The following CES3 variants were observed in gnomAD, a reference collection of about 807,000 sequenced individuals.
The protein encoded by CES3 is carboxylesterase 3 (brain).
In CES3, 49 loss-of-function variants were observed where a neutral mutation model predicts 57.6. That is an observed-to-expected ratio of 0.85 (90% CI 0.68 to 1.08). CES3 has a LOEUF of 1.08. Ranked by LOEUF, CES3 falls within the 50% of genes least tolerant of loss-of-function variation. The pLI is 0.00. For missense variants in CES3, 645 were observed against 742.0 expected, an observed-to-expected ratio of 0.87 and a Z score of 1.52; for synonymous variants, 266 against 281.6, an observed-to-expected ratio of 0.94 and a Z score of 0.55.
At chr16:66,969,113 T>C (rs1012200476) in intron 8 of CES3, among the ~76,000 whole-genome samples, 2 of 151,686 alleles carry the variant, frequency 1.3e-5, no homozygotes, top group African/African-American at 4.8e-5. Flanking sequence ...TCTTAGAAGT[T>C]GGGTGACTCA....
chr16:66,966,600 ATCT>A (rs1567556510), intron 7 of CES3, 122 bp from the exon 8 acceptor site: 4 of 1,260,206 alleles, frequency 3.2e-6, no homozygotes, highest in Admixed American at 2.0e-5. Flanking sequence ...AACCCTGGTG[ATCT>A]TCATCCCTTC....
At chr16:66,968,371 T>C (rs1178290955) in intron 8 of CES3, among the ~76,000 whole-genome samples, 1 of 152,084 alleles carries the variant, frequency 6.6e-6, no homozygotes, top group Non-Finnish European at 1.5e-5. Flanking sequence ...TTTCTCCATG[T>C]TGGACAGGCT....
In CES3 at chr16:66,969,716, G is replaced by A. The variant is rs753902946; in HGVS notation, c.1100G>A (p.Arg367Gln). The A allele has an allele frequency of 1.8e-4, 297 of 1,613,180 alleles. No individual in the cohort carries two copies. The highest frequency in any genetic ancestry group is 1.8e-4 in the Non-Finnish European group (215 of 1,179,708). The change falls in exon 9 of 13, where the codon CGG becomes CAG. Residue 367 changes from arginine (R) to glutamine (Q), a missense_variant. Coordinates refer to ENST00000303334, the MANE Select transcript of CES3 (RefSeq NM_024922.6). The stretch of plus-strand genomic sequence containing the variant: ...CTGGATACAATGGAGCAGATGAGCC[G>A]GGAGGACATGCTGGCCATCTCAACA... ...GLLDTMEQMS[R>Q]EDMLAISTPV...
chr16:66,971,124 C>T, intron 9 of CES3, 48 bp from the exon 10 acceptor site: 1 of 1,565,060 alleles, frequency 6.4e-7, no homozygotes, highest in Non-Finnish European at 8.7e-7. Context: ...GGATGGTCTG[C>T]CACATCTGTG....
At chr16:66,966,601 T>G in intron 7 of CES3, 124 bp from the exon 8 acceptor site, 2 of 1,275,442 alleles carry the variant, frequency 1.6e-6, no homozygotes, top group Non-Finnish European at 2.2e-6. Flanking sequence ...ACCCTGGTGA[T>G]CTTCATCCCT....
rs974527346 is a variant in CES3 at position 66,974,303 on chromosome 16, G to A, written c.*1254G>A. 1.3e-5 allele frequency: 2 copies of A among 152,524 alleles called. No homozygotes were observed. The highest frequency in any genetic ancestry group is 6.5e-5 in the Admixed American group (1 of 15,288). The allele number at this position is 152,524 out of a possible 1,614,324, so 9.4% of individuals were successfully genotyped here. ...AGGGAGAGGGGCGGGCAGGAACCGG[G>A]GCTGCGCGCAGCGCTTGCGGGCCAG... On this transcript the variant is annotated 3_prime_UTR_variant, in exon 13 of 13. Transcript: ENST00000303334.
chr16:66,964,657 G>C lies in CES3; in HGVS notation c.749G>C (p.Arg250Thr). The C allele has an allele frequency of 6.2e-7, 1 of 1,614,092 alleles. No individual in the cohort carries two copies. The highest frequency in any genetic ancestry group is 8.5e-7 in the Non-Finnish European group (1 of 1,179,992). Residue 250 changes from arginine to threonine, a missense_variant, in exon 6 of 13, where the codon AGA (arginine) becomes ACA (threonine). Transcript: ENST00000303334. ...LSPVAAGLFH[R>T]AITQSGVITT... is the part of the protein sequence containing the mutation. ...CCAGTGGCTGCAGGGCTGTTCCACAGAGCCATCACACAGAGTGGGGTCATC... is the reference window on the plus strand; with the variant it reads ...CCAGTGGCTGCAGGGCTGTTCCACACAGCCATCACACAGAGTGGGGTCATC...
chr16:66,967,257 T>C (rs1413494188), intron 8 of CES3, among the ~76,000 whole-genome samples: 1 of 152,158 alleles, frequency 6.6e-6, no homozygotes, highest in Non-Finnish European at 1.5e-5. Flanking sequence ...TTTCACCACG[T>C]TGGCCAGGCT....
chr16:66,962,548 C>G (rs757015870), intron 1 of CES3, among the ~76,000 whole-genome samples: 1 of 152,122 alleles, frequency 6.6e-6, no homozygotes, highest in African/African-American at 2.4e-5. Context: ...TGCTTGAGCC[C>G]AGGGGTTTGA....
chr16:66,972,669 CT>C lies in CES3; in HGVS notation c.1446del (p.Pro483GlnfsTer10), dbSNP rs1397788607. The stretch of plus-strand genomic sequence containing the variant: ...GTTCTGTCCCTCTCACCTTTCCAGC[CT>C]TTCCAGAGGCCACAGAGGAGGAGAA... The part of the protein sequence containing the change: ...FLMDESSRLA[F>X]PEATEEEKQL... On this transcript the variant is annotated frameshift_variant and splice_region_variant, in exon 12 of 13. Coordinates refer to ENST00000303334, the MANE Select transcript of CES3 (RefSeq NM_024922.6). LOFTEE classifies it high-confidence loss of function. 4.3e-6 allele frequency: 7 copies of C among 1,614,088 alleles called. No individual in the cohort carries two copies. Among genetic ancestry groups the C allele is most frequent in the Non-Finnish European group, 5.9e-6 (7 of 1,180,054 alleles).
rs778131714 is a variant in CES3, at chr16:66,969,745, G to A, written c.1129G>A (p.Val377Ile). 256 of 1,612,154 alleles carry A rather than the reference G, an allele frequency of 1.6e-4. No individual in the cohort carries two copies. Among genetic ancestry groups the A allele is most frequent in the Non-Finnish European group, 2.1e-4 (244 of 1,179,258 alleles). Reference sequence around the variant, plus strand: ...GGACATGCTGGCCATCTCAACACCCGTCTTGACCAGTCTGGTGAGACAAGA... The same window carrying A: ...GGACATGCTGGCCATCTCAACACCCATCTTGACCAGTCTGGTGAGACAAGA... ...REDMLAISTP[V>I]LTSLDVPPEM... Residue 377 changes from valine to isoleucine, a missense_variant, in exon 9 of 13, where the codon GTC (valine) becomes ATC (isoleucine). By Grantham distance (29) the Val-to-Ile change is conservative. Transcript: ENST00000303334.
chr16:66,963,143 C>G lies in CES3; in HGVS notation c.83-36C>G. The G allele has an allele frequency of 3.1e-6, 5 of 1,607,256 alleles. No homozygotes were observed. Among genetic ancestry groups the G allele is most frequent in the Non-Finnish European group, 4.3e-6 (5 of 1,173,714 alleles). On this transcript the variant is annotated intron_variant, in intron 1 of 12. Coordinates refer to ENST00000303334, the MANE Select transcript of CES3 (RefSeq NM_024922.6). This position sits in a 1 kb window ranked among gnomAD's most constrained non-coding sequence, Gnocchi z 4.9. ...TCACTCCTTCCCCTCATGGGGGCTGCAAACTCACCCCGTGGCCTTTCTGTC... is the reference window on the plus strand; with the variant it reads ...TCACTCCTTCCCCTCATGGGGGCTGGAAACTCACCCCGTGGCCTTTCTGTC...
At chr16:66,966,425 A>C (rs1327345063) in intron 7 of CES3, 80 bp downstream of exon 7, 1 of 1,406,588 alleles carries the variant, frequency 7.1e-7, no homozygotes, top group Admixed American at 1.9e-5. Flanking sequence ...GCAGAGGGGC[A>C]GTCTACCCCC....
Position 66,969,666 on chromosome 16 carries a change from G to A in CES3, c.1063-13G>A, listed in dbSNP as rs377152614. 15 of 1,611,540 alleles carry A rather than the reference G, an allele frequency of 9.3e-6. No individual in the cohort carries two copies. The African/African-American group carries it at 1.7e-4, about 19-fold the overall frequency. On this transcript the variant is annotated splice_polypyrimidine_tract_variant and intron_variant, in intron 8 of 12. Coordinates refer to ENST00000303334, the MANE Select transcript of CES3 (RefSeq NM_024922.6). Reference sequence around the variant, plus strand: ...GGTCAGGCTCCACTGAGAGGGCCTTGGTGTCCACACAGGGCTGGGGTCTCC... The same window carrying A: ...GGTCAGGCTCCACTGAGAGGGCCTTAGTGTCCACACAGGGCTGGGGTCTCC...
rs1216076711 is a variant in CES3, at chr16:66,961,346, C to G, written c.39C>G (p.Val13=). ...RAVRVESGVL[V]GVVCLLLACP... is the part of the protein sequence containing the mutation. ...TGAGAGTGGAGTCCGGGGTCCTGGTCGGGGTGGTCTGTCTGCTCCTGGCAT... is the reference window on the plus strand; with the variant it reads ...TGAGAGTGGAGTCCGGGGTCCTGGTGGGGGTGGTCTGTCTGCTCCTGGCAT... Residue 13 remains valine, a synonymous_variant, in exon 1 of 13, where the codon GTC becomes GTG. Transcript: ENST00000303334. The G allele has an allele frequency of 6.2e-7, 1 of 1,613,664 alleles. No individual in the cohort carries two copies. The highest frequency in any genetic ancestry group is 1.7e-5 in the Admixed American group (1 of 59,980).
At position 66,972,924 on chromosome 16, in the gene CES3, C is replaced by T. The variant is rs1273558193; in HGVS notation, c.1591C>T (p.Pro531Ser). 1.9e-6 allele frequency: 3 copies of T among 1,614,154 alleles called. No individual in the cohort carries two copies. Among genetic ancestry groups the T allele is most frequent in the Non-Finnish European group, 2.5e-6 (3 of 1,180,030 alleles). Residue 531 changes from proline (P) to serine (S), a missense_variant, in exon 13 of 13, where the codon CCA becomes TCA. Coordinates refer to ENST00000303334, the MANE Select transcript of CES3 (RefSeq NM_024922.6). Reference protein sequence around the residue: ...NQAEQYLEINPVPRAGQKFRE... With the variant: ...NQAEQYLEINSVPRAGQKFRE... Reference sequence around the variant, plus strand: ...GGCGGAACAATATCTGGAGATCAACCCAGTGCCACGGGCCGGACAGAAGTT... The same window carrying T: ...GGCGGAACAATATCTGGAGATCAACTCAGTGCCACGGGCCGGACAGAAGTT...
Position 66,974,575 on chromosome 16 carries a change from G to T in CES3, c.*1526G>T. On this transcript the variant is annotated 3_prime_UTR_variant, in exon 13 of 13. Transcript: ENST00000303334. The stretch of plus-strand genomic sequence containing the variant: ...GGAGCGCCGCCCCCTGCTCCACAGC[G>T]CCCAGTCCCATCGACCACCCAAGGG... The T allele has an allele frequency of 6.4e-6, 1 of 155,924 alleles. No individual in the cohort carries two copies. The highest frequency in any genetic ancestry group is 1.4e-5 in the Non-Finnish European group (1 of 72,768). The allele number at this position is 155,924 out of a possible 1,614,324, so 9.7% of individuals were successfully genotyped here. A position where few individuals can be genotyped will look rare whatever the true frequency, so the allele number is the denominator to read the frequency against.
At chr16:66,970,057 C>T (rs1157500341) in intron 9 of CES3, among the ~76,000 whole-genome samples, 5 of 151,830 alleles carry the variant, frequency 3.3e-5, no homozygotes, top group Non-Finnish European at 7.4e-5. Flanking sequence ...GAGAGGGTTT[C>T]ATCTCCTTCA....
chr16:66,971,102 TG>T, intron 9 of CES3, 69 bp from the exon 10 acceptor site: 2 of 1,522,350 alleles, frequency 1.3e-6, no homozygotes, highest in Non-Finnish European at 1.8e-6. Flanking sequence ...CTGGAGAGTT[TG>T]GGGCTTCCTG....
Sources: gnomAD v4.1 joint callset for allele counts (sites outside exome capture counted in the v4.1 genomes callset) on GRCh38, gnomAD v4.1.1 for gene constraint, Gnocchi (gnomAD v3.1) non-coding constraint, MANE v1.5 for transcripts, NCBI Gene and HGNC (gene_info 2026-07-23, HGNC 2026-07-21) for gene names.